Variants in CKAP2 observed in about 807,000 individuals in gnomAD.
CKAP2 encodes the protein cytoskeleton-associated protein 2.
In CKAP2, 46 loss-of-function variants were observed where a neutral mutation model predicts 58.4. The observed-to-expected ratio is 0.79, with a 90% confidence interval of 0.62 to 1.01. The LOEUF (loss-of-function observed/expected upper bound fraction) is 1.01, where lower values mean the gene tolerates loss of function less well. CKAP2 is among the 50% of genes least tolerant of loss of function. CKAP2 has a pLI of 0.00. For synonymous variants in CKAP2, 293 were observed against 280.9 expected, an observed-to-expected ratio of 1.04 and a Z score of -0.43; for missense variants, 809 against 796.4, an observed-to-expected ratio of 1.02 and a Z score of -0.19.
intron 7 of CKAP2, among the ~76,000 whole-genome samples, chr13:52,469,916 T>C (rs915808023): frequency 7.9e-5 from 12 of 152,112 alleles, no homozygotes; most frequent in African/African-American, 2.7e-4. Context: ...TATCATAGTC[T>C]ATGACACATA....
In CKAP2 at chr13:52,461,384, G is replaced by T. The variant is rs758319952; in HGVS notation, c.558G>T (p.Lys186Asn). The T allele has an allele frequency of 1.2e-6, 2 of 1,614,186 alleles. No individual in the cohort carries two copies. The highest frequency in any genetic ancestry group is 1.7e-6 in the Non-Finnish European group (2 of 1,180,034). Residue 186 changes from lysine (K) to asparagine (N), a missense_variant, in exon 4 of 9, where the codon AAG becomes AAT. Coordinates refer to ENST00000258607, the MANE Select transcript of CKAP2 (RefSeq NM_018204.5). ...GSYRGQIVQS[K>N]INSFRKPLQV... ...ATCGTGGCCAGATTGTTCAGTCTAA[G>T]ATTAATTCATTTAGAAAACCTCTAC...
At chr13:52,467,144 G>T (rs1045569459) in intron 6 of CKAP2, among the ~76,000 whole-genome samples, 1 of 151,558 alleles carries the variant, frequency 6.6e-6, no homozygotes, top group Middle Eastern at 3.4e-3. Context: ...CTGAAAGCAG[G>T]ATAGCTGAGT....
intron 7 of CKAP2, among the ~76,000 whole-genome samples, chr13:52,472,916 A>G (rs1177292224): frequency 6.6e-6 from 1 of 152,058 alleles, no homozygotes; most frequent in African/African-American, 2.4e-5. Context: ...GGTGGTACAC[A>G]CCTTTAGGCC....
Position 52,461,131 on chromosome 13 carries a change from T to TA in CKAP2, c.309dup (p.Pro104ThrfsTer4), listed in dbSNP as rs770006252. 90 of 1,612,576 alleles carry TA rather than the reference T, an allele frequency of 5.6e-5. No individual in the cohort carries two copies. Among genetic ancestry groups the TA allele is most frequent in the Admixed American group, 1.0e-4 (6 of 59,734 alleles). On this transcript the variant is annotated frameshift_variant, in exon 4 of 9. Coordinates refer to ENST00000258607, the MANE Select transcript of CKAP2 (RefSeq NM_018204.5). LOFTEE classifies it high-confidence loss of function. ...GTGGTGGGGAAACATTGTATTCCTTTAAAACCTTCAAATGAACTAACCAAT... is the reference window on the plus strand; with the variant it reads ...GTGGTGGGGAAACATTGTATTCCTTTAAAAACCTTCAAATGAACTAACCAAT...
At chr13:52,464,874 T>G (rs1958641473) in intron 5 of CKAP2, among the ~76,000 whole-genome samples, 1 of 152,188 alleles carries the variant, frequency 6.6e-6, no homozygotes. Context: ...AACTCTTGAG[T>G]CTCTAATAGA....
intron 7 of CKAP2, among the ~76,000 whole-genome samples, chr13:52,471,508 T>TA (rs748000834): frequency 0.024 from 3,393 of 142,456 alleles, 120 homozygotes; most frequent in African/African-American, 0.078. Context: ...AGAAGAGGGT[T>TA]AAAAAAAAAA....
intron 1 of CKAP2, 53 bp downstream of exon 1, chr13:52,455,679 C>T (rs886541014): frequency 2.7e-5 from 39 of 1,436,292 alleles, no homozygotes; most frequent in South Asian, 1.5e-4. Flanking sequence ...GTGGCGGGCG[C>T]GGGCCCGGCG....
intron 7 of CKAP2, among the ~76,000 whole-genome samples, chr13:52,469,737 C>T (rs1456137728): frequency 2.0e-5 from 3 of 150,556 alleles, no homozygotes; most frequent in African/African-American, 7.3e-5. Flanking sequence ...GCTGGGACTA[C>T]AGGCGCCCGC....
chr13:52,474,387 G>A (rs1278418419), intron 8 of CKAP2, among the ~76,000 whole-genome samples: 1 of 152,158 alleles, frequency 6.6e-6, no homozygotes, highest in Non-Finnish European at 1.5e-5. Flanking sequence ...TACCTGGGAG[G>A]CTGAGGTGAG....
At position 52,468,312 on chromosome 13, in the gene CKAP2, T is replaced by A; in HGVS notation, c.1511T>A (p.Ile504Asn). Residue 504 changes from isoleucine to asparagine, a missense_variant, in exon 7 of 9, where the codon ATT becomes AAT. By Grantham distance (149) the Ile-to-Asn change is moderately radical. Around this residue, in one of 3 missense-constraint regions of CKAP2, gnomAD observed 283 missense variants for 287.6 expected, o/e 0.98. Coordinates refer to ENST00000258607, the MANE Select transcript of CKAP2 (RefSeq NM_018204.5). ...GAGATGCGACACACGATTGTAGATA[T>A]TCTAACAATGAAGAGTCAAGAAAAA... ...IEEMRHTIVD[I>N]LTMKSQEKAN... 1 of 1,603,310 alleles carries A rather than the reference T, an allele frequency of 6.2e-7. No homozygotes were observed. Among genetic ancestry groups the A allele is most frequent in the Non-Finnish European group, 8.5e-7 (1 of 1,174,310 alleles).
At chr13:52,463,091 C>A (rs1958610271) in intron 5 of CKAP2, among the ~76,000 whole-genome samples, 1 of 152,180 alleles carries the variant, frequency 6.6e-6, no homozygotes, top group African/African-American at 2.4e-5. Context: ...GTGTGCACCA[C>A]ACGCCTGGCT....
chr13:52,466,551 A>G (rs2137858188), intron 6 of CKAP2, among the ~76,000 whole-genome samples: 1 of 152,312 alleles, frequency 6.6e-6, no homozygotes, highest in Admixed American at 6.5e-5. Flanking sequence ...CAGAAGGGAC[A>G]TTACTTAAGG....
chr13:52,474,851 T>C, intron 8 of CKAP2, 44 bp from the exon 9 acceptor site: 1 of 1,577,264 alleles, frequency 6.3e-7, no homozygotes, highest in African/African-American at 1.4e-5. Flanking sequence ...AGAGTAAAAA[T>C]GTTAACATGT....
intron 6 of CKAP2, chr13:52,465,967 ACACACATATATG>A (rs151220880): frequency 1.5e-4 from 19 of 125,832 alleles, no homozygotes; most frequent in African/African-American, 3.7e-4. Flanking sequence ...ACACATATAT[ACACACATATATG>A]CACACATATA....
intron 2 of CKAP2, 79 bp downstream of exon 2, chr13:52,456,686 C>G (rs1958487809): frequency 8.9e-7 from 1 of 1,126,184 alleles, no homozygotes; most frequent in South Asian, 1.4e-5. Context: ...TAAGCCATAT[C>G]TGTAATTTTA....
rs915600628 is a variant in CKAP2, at chr13:52,475,976, A to G, written c.*835A>G. ...CAAATGTCATTCTAGTTTAGATAGC[A>G]TTTCTAAGATAACTGATACTAATAC... On this transcript the variant is annotated 3_prime_UTR_variant, in exon 9 of 9. Coordinates refer to ENST00000258607, the MANE Select transcript of CKAP2 (RefSeq NM_018204.5). 1 of 152,216 alleles carries G rather than the reference A, an allele frequency of 6.6e-6. No homozygotes were observed. Among genetic ancestry groups the G allele is most frequent in the African/African-American group, 2.4e-5 (1 of 41,460 alleles). 9.4% of individuals were successfully genotyped at this position (152,216 alleles called of 1,614,324 possible). A position where few individuals can be genotyped will look rare whatever the true frequency, so the allele number is the denominator to read the frequency against.
At chr13:52,466,271 A>G (rs533681070) in intron 6 of CKAP2, among the ~76,000 whole-genome samples, 7 of 152,244 alleles carry the variant, frequency 4.6e-5, no homozygotes, top group South Asian at 2.1e-4. Context: ...ATGTTCTTCA[A>G]ATATGTTTCC....
intron 6 of CKAP2, among the ~76,000 whole-genome samples, chr13:52,466,687 A>G (rs7321964): frequency 0.39 from 59,500 of 152,118 alleles, 14,220 homozygotes; most frequent in East Asian, 0.58. Context: ...AAATTAGCCA[A>G]CATGGCTGGG....
intron 2 of CKAP2, among the ~76,000 whole-genome samples, chr13:52,459,477 C>T (rs1279683461): frequency 3.3e-5 from 5 of 152,060 alleles, no homozygotes; most frequent in African/African-American, 1.2e-4. Context: ...CATTTGCCAC[C>T]ATGCCTGGCC....
Sources: gnomAD v4.1 joint callset for allele counts (sites outside exome capture counted in the v4.1 genomes callset) on GRCh38, gnomAD v4.1.1 for gene constraint, gnomAD v4.1.1 regional missense constraint, MANE v1.5 for transcripts, NCBI Gene and HGNC (gene_info 2026-07-23, HGNC 2026-07-21) for gene names.